Variants in TPM4 observed in about 807,000 individuals in gnomAD.
The protein encoded by TPM4 is tropomyosin 4.
TPM4 carries 17 observed loss-of-function variants against 35.8 expected under a neutral mutation model. The observed-to-expected ratio is 0.47, with a 90% CI of 0.32 to 0.71. TPM4 has a LOEUF of 0.71. Among genes scored for constraint, TPM4 ranks in the 30% least tolerant of loss-of-function variants. The pLI is 0.03. For synonymous variants in TPM4, 120 were observed against 122.9 expected, an observed-to-expected ratio of 0.98 and a Z score of 0.15; for missense variants, 240 against 320.9, an observed-to-expected ratio of 0.75 and a Z score of 1.93.
upstream of TPM4, chr19:16,076,002 G>GT: frequency 4.1e-6 from 6 of 1,469,170 alleles, no homozygotes; most frequent in South Asian, 2.4e-5. Flanking sequence ...TCGGGGACGT[G>GT]ACCCCCCCCC....
intron 1 of TPM4, chr19:16,080,848 C>T (rs1160399279): frequency 2.5e-6 from 1 of 393,768 alleles, no homozygotes; most frequent in Admixed American, 4.4e-5. Context: ...GCGGGGATTC[C>T]AGCCCAGCAC....
At chr19:16,071,650 C>T (rs1442515771), upstream of TPM4, among the ~76,000 whole-genome samples, 3 of 152,226 alleles carry the variant, frequency 2.0e-5, no homozygotes, top group South Asian at 2.1e-4. Context: ...CAGGAGCTAA[C>T]GGCCAGTCCT....
chr19:16,088,598 C>T, intron 4 of TPM4: 1 of 1,039,140 alleles, frequency 9.6e-7, no homozygotes, highest in Non-Finnish European at 1.2e-6. Flanking sequence ...AATTCAGCCC[C>T]ACAGAGCATC....
Position 16,067,904 on chromosome 19 carries a change from C to A in TPM4, c.114+166C>A. The A allele has an allele frequency of 1.6e-6, 1 of 622,676 alleles. No homozygotes were observed. Among genetic ancestry groups the A allele is most frequent in the Non-Finnish European group, 2.6e-6 (1 of 378,316 alleles). The allele number at this position is 622,676 out of a possible 1,614,324, so 38.6% of individuals were successfully genotyped here. On this transcript the variant is annotated intron_variant, in intron 2 of 2. Coordinates refer to the TPM4 transcript ENST00000589897. The surrounding 1 kb of genome is among the most constrained non-coding windows in gnomAD (Gnocchi z 4.1). Reference sequence around the variant, plus strand: ...GACCATTGCCTTCCTTGGATGGGGTCCTGGGCTGGAAGAGGGGTGACGATC... The same window carrying A: ...GACCATTGCCTTCCTTGGATGGGGTACTGGGCTGGAAGAGGGGTGACGATC...
chr19:16,074,056 G>A (rs997053524), upstream of TPM4, among the ~76,000 whole-genome samples: 18 of 151,206 alleles, frequency 1.2e-4, no homozygotes, highest in Admixed American at 1.1e-3. Context: ...ACACATATGG[G>A]GCACCTGGTA....
At chr19:16,077,005 C>T (rs914524768) in intron 1 of TPM4, 2 of 324,290 alleles carry the variant, frequency 6.2e-6, no homozygotes, top group South Asian at 2.4e-4. Context: ...AGTGGAGCGG[C>T]GGGAGGGGGC....
At chr19:16,094,257 G>C (rs1427748184) in intron 7 of TPM4, among the ~76,000 whole-genome samples, 1 of 152,132 alleles carries the variant, frequency 6.6e-6, no homozygotes, top group African/African-American at 2.4e-5. Flanking sequence ...TCTCAGGCCA[G>C]GCGCAGTGGC....
At chr19:16,075,072 A>T (rs1396255606), upstream of TPM4, 1 of 152,012 alleles carries the variant, frequency 6.6e-6, no homozygotes, top group Non-Finnish European at 1.5e-5. Flanking sequence ...AGCCTTGGTG[A>T]CAGAGCGAGA....
chr19:16,088,008 G>C lies in TPM4; in HGVS notation c.385-19G>C. ...GGCTGGTGGGGATCGGGCTCAGCTG[G>C]GCCTTTCTGTCTCTGCAGGTAGCTC... On this transcript the variant is annotated intron_variant, in intron 3 of 7. Coordinates refer to ENST00000643579, the MANE Select transcript of TPM4 (RefSeq NM_003290.3). 1 of 1,604,686 alleles carries C rather than the reference G, an allele frequency of 6.2e-7. No individual in the cohort carries two copies. Among genetic ancestry groups the C allele is most frequent in the South Asian group, 1.1e-5 (1 of 89,146 alleles).
intron 2 of TPM4, among the ~76,000 whole-genome samples, chr19:16,084,496 G>C (rs1021203750): frequency 4.6e-5 from 7 of 152,316 alleles, no homozygotes; most frequent in African/African-American, 1.4e-4. Context: ...GACCAGCCTG[G>C]CTGGATGCTG....
rs116314556 is a variant in TPM4 at position 16,093,878 on chromosome 19, G to A, written c.664+125G>A. On this transcript the variant is annotated intron_variant, in intron 7 of 7. Transcript: ENST00000643579. ...TTTGTTTGCCTTAGGAAAGTAAAGC[G>A]CATAGTGATGTCATATCTGGATGTC... The A allele has an allele frequency of 8.8e-4, 820 of 930,816 alleles. 4 individuals carry two copies. In the African/African-American group the frequency reaches 0.012, roughly 14 times the overall value. 57.7% of individuals were successfully genotyped at this position (930,816 alleles called of 1,614,324 possible). A position where few individuals can be genotyped will look rare whatever the true frequency, so the allele number is the denominator to read the frequency against.
chr19:16,086,207 A>G (rs1221577885), intron 2 of TPM4, among the ~76,000 whole-genome samples: 1 of 151,800 alleles, frequency 6.6e-6, no homozygotes. Flanking sequence ...GCAATTAGCC[A>G]GACATGGTGA....
At chr19:16,080,971 A>G (rs1367477587) in intron 1 of TPM4, 2 of 398,412 alleles carry the variant, frequency 5.0e-6, no homozygotes, top group Non-Finnish European at 8.8e-6. Context: ...CATGCCTGCA[A>G]CCAAGTTTTC....
intron 7 of TPM4, among the ~76,000 whole-genome samples, chr19:16,098,426 G>A (rs554247461): frequency 6.6e-6 from 1 of 151,728 alleles, no homozygotes; most frequent in South Asian, 2.1e-4. Flanking sequence ...CAGCCTGGGC[G>A]ACAGAGTGAG....
chr19:16,068,105 ATGTGTGTGTACG>A (rs777305898), intron 2 of TPM4: 280 of 340,028 alleles, frequency 8.2e-4, no homozygotes, highest in Non-Finnish European at 1.4e-3. Context: ...GTTTGAGCGT[ATGTGTGTGTACG>A]TGTGTGTGTA....
chr19:16,076,478 G>A, upstream of TPM4: 6 of 1,333,846 alleles, frequency 4.5e-6, no homozygotes, highest in Non-Finnish European at 2.9e-6. Context: ...AAAGGCTTGG[G>A]GGGCCGGGGC....
intron 2 of TPM4, among the ~76,000 whole-genome samples, chr19:16,069,428 T>A (rs1268695371): frequency 2.0e-5 from 3 of 148,190 alleles, no homozygotes; most frequent in Non-Finnish European, 4.4e-5. Context: ...TTGGTGTGTA[T>A]GTGTGTGAAT....
chr19:16,067,998 A>G lies in TPM4; in HGVS notation c.114+260A>G, dbSNP rs1599353842. 1 of 488,568 alleles carries G rather than the reference A, an allele frequency of 2.0e-6. No individual in the cohort carries two copies. The highest frequency in any genetic ancestry group is 3.7e-5 in the East Asian group (1 of 26,734). The allele number at this position is 488,568 out of a possible 1,614,324, so 30.3% of individuals were successfully genotyped here. A position where few individuals can be genotyped will look rare whatever the true frequency, so the allele number is the denominator to read the frequency against. ...CAGAGAGAGAGTTGGCGGGGGAGGG[A>G]GAGTGAGAACGTTCGTGAGCGAGGT... On this transcript the variant is annotated intron_variant, in intron 2 of 2. Coordinates refer to the TPM4 transcript ENST00000589897. The surrounding 1 kb of genome is among the most constrained non-coding windows in gnomAD (Gnocchi z 4.1).
intron 7 of TPM4, chr19:16,095,481 A>G (rs1183010210): frequency 1.9e-5 from 19 of 1,022,462 alleles, no homozygotes; most frequent in Admixed American, 5.8e-5. Flanking sequence ...TGACTCTACA[A>G]CCGAAATAAA....
Sources: allele counts gnomAD v4.1 joint callset (sites outside exome capture counted in the v4.1 genomes callset), GRCh38; gene constraint gnomAD v4.1.1; non-coding constraint Gnocchi (gnomAD v3.1); transcripts MANE v1.5; gene names NCBI Gene and HGNC (gene_info 2026-07-23, HGNC 2026-07-21).